The following CEP83 variants were observed in gnomAD, a reference collection of about 807,000 sequenced individuals.
The protein encoded by CEP83 is centrosomal protein of 83 kDa.
CEP83 carries 70 observed loss-of-function variants against 101.9 expected under a neutral mutation model. The observed-to-expected ratio is 0.69, with a 90% CI of 0.57 to 0.84. The LOEUF (loss-of-function observed/expected upper bound fraction) is 0.84. CEP83 is among the 40% of genes least tolerant of loss of function. The pLI is 0.00. For synonymous variants in CEP83, 264 were observed against 267.9 expected (o/e 0.99, Z 0.14); for missense variants, 715 against 787.2 (o/e 0.91, Z 1.10).
At chr12:94,393,579 C>T (rs1026567646) in intron 6 of CEP83, among the ~76,000 whole-genome samples, 4 of 152,186 alleles carry the variant, frequency 2.6e-5, no homozygotes, top group Non-Finnish European at 5.9e-5. Flanking sequence ...ACAAGGATGC[C>T]CTTTCTCACC....
the CEP83 span, among the ~76,000 whole-genome samples, chr12:94,275,443 A>G: frequency 5.3e-5 from 8 of 152,310 alleles, no homozygotes; most frequent in Admixed American, 1.3e-4. Flanking sequence ...GCTGTCTGAC[A>G]TGGCACAGGC....
intron 6 of CEP83, among the ~76,000 whole-genome samples, chr12:94,382,794 A>T (rs959120379): frequency 1.3e-5 from 2 of 151,958 alleles, no homozygotes; most frequent in Admixed American, 6.6e-5. Context: ...ATGTTCAGTG[A>T]GCATTTATAT....
intron 9 of CEP83, 157 bp downstream of exon 9, chr12:94,369,765 A>T (rs2061207726): frequency 2.0e-6 from 1 of 501,332 alleles, no homozygotes; most frequent in Non-Finnish European, 3.5e-6. Flanking sequence ...TGAACAAAAC[A>T]CTCAACATAT....
chr12:94,396,672 C>T (rs2062920788), intron 6 of CEP83, among the ~76,000 whole-genome samples: 1 of 152,108 alleles, frequency 6.6e-6, no homozygotes, highest in Admixed American at 6.6e-5. Flanking sequence ...TCATCAGGGA[C>T]ATGTGTATTC....
At chr12:94,266,244 C>T in the CEP83 span, among the ~76,000 whole-genome samples, 2 of 152,128 alleles carry the variant, frequency 1.3e-5, no homozygotes, top group African/African-American at 4.8e-5. Context: ...GAGAATAGTC[C>T]GTAGGTCAGC....
the CEP83 span, chr12:94,282,430 C>T: frequency 7.2e-7 from 1 of 1,385,232 alleles, no homozygotes; most frequent in South Asian, 1.2e-5. Flanking sequence ...CCCGTGTCTC[C>T]TTCCTCATCC....
chr12:94,319,090 A>G (rs766506172), intron 14 of CEP83, among the ~76,000 whole-genome samples: 6 of 152,078 alleles, frequency 3.9e-5, no homozygotes, highest in Non-Finnish European at 8.8e-5. Context: ...TTCAGAACTC[A>G]TTATTGGTCT....
Position 94,456,353 on chromosome 12 carries a change from C to T in CEP83, c.-155+3204G>A, listed in dbSNP as rs2067678719. On this transcript the variant is annotated intron_variant, in intron 1 of 16. Coordinates refer to ENST00000397809, the MANE Select transcript of CEP83 (RefSeq NM_016122.3). ...TTATAGTTTACTGTTGCCATTTCCCCTTCACTTACTCTCTTCTCTCAACAA... is the reference window on the plus strand; with the variant it reads ...TTATAGTTTACTGTTGCCATTTCCCTTTCACTTACTCTCTTCTCTCAACAA... 2.0e-5 allele frequency among the ~76,000 whole-genome samples: 3 copies of T among 152,210 alleles called. No individual in the cohort carries two copies. The South Asian group carries it at 6.2e-4, about 32-fold the overall frequency.
rs755244508 is a variant in CEP83, at chr12:94,312,982, T to C, written c.1743A>G (p.Leu581=). Reference sequence around the variant, plus strand: ...CCTCCAAGACTTCTACTTTCTCTTGTAGTCTTTTCAATTTGTTTTCATGAA... The same window carrying C: ...CCTCCAAGACTTCTACTTTCTCTTGCAGTCTTTTCAATTTGTTTTCATGAA... ...KSLHENKLKR[L]QEKVEVLEAK... is the part of the protein sequence containing the mutation. Residue 581 remains leucine, a synonymous_variant, in exon 15 of 17, where the codon CTA becomes CTG. Coordinates refer to ENST00000397809, the MANE Select transcript of CEP83 (RefSeq NM_016122.3). The C allele has an allele frequency of 3.2e-6, 5 of 1,579,352 alleles. No homozygotes were observed. The highest frequency in any genetic ancestry group is 2.3e-5 in the South Asian group (2 of 87,470).
At chr12:94,393,344 C>T (rs980489162) in intron 6 of CEP83, among the ~76,000 whole-genome samples, 3 of 152,148 alleles carry the variant, frequency 2.0e-5, no homozygotes, top group Non-Finnish European at 4.4e-5. Context: ...TAAACATAAT[C>T]CAGCATATAA....
chr12:94,424,995 G>C, intron 2 of CEP83: 1 of 797,100 alleles, frequency 1.3e-6, no homozygotes, highest in Non-Finnish European at 1.7e-6. Context: ...GGGAACGAGT[G>C]AGAGAGAGAG....
At chr12:94,321,149 T>C (rs1449732961) in intron 14 of CEP83, among the ~76,000 whole-genome samples, 1 of 152,222 alleles carries the variant, frequency 6.6e-6, no homozygotes, top group Non-Finnish European at 1.5e-5. Flanking sequence ...TTATTCAGCT[T>C]GGTCTCTCTC....
chr12:94,376,017 C>T lies in CEP83; in HGVS notation c.802G>A (p.Ala268Thr). The T allele has an allele frequency of 6.5e-7, 1 of 1,541,562 alleles. No individual in the cohort carries two copies. The highest frequency in any genetic ancestry group is 8.8e-7 in the Non-Finnish European group (1 of 1,142,014). Residue 268 changes from alanine to threonine, a missense_variant and splice_region_variant, in exon 8 of 17, where the codon GCT becomes ACT. Ala to Thr is a moderately conservative substitution (Grantham distance 58). Transcript: ENST00000397809. ...EMQATVRSLE[A>T]EKQSANLRAE... ...CGTAAATTAGCTGATTGTTTTTCAG[C>T]CTTTCATACAAACAAAATAGTTTAA...
At chr12:94,288,400 C>CAT in the CEP83 span, among the ~76,000 whole-genome samples, 1 of 152,206 alleles carries the variant, frequency 6.6e-6, no homozygotes, top group African/African-American at 2.4e-5. Context: ...GTTTCCCACA[C>CAT]ATTCTTGGTG....
chr12:94,387,585 G>C (rs945631817), intron 6 of CEP83, among the ~76,000 whole-genome samples: 1 of 152,112 alleles, frequency 6.6e-6, no homozygotes, highest in Admixed American at 6.6e-5. Flanking sequence ...TGATAACTGG[G>C]ACCTAATTAA....
At chr12:94,431,216 G>A (rs948650024) in intron 2 of CEP83, among the ~76,000 whole-genome samples, 2 of 152,088 alleles carry the variant, frequency 1.3e-5, no homozygotes, top group African/African-American at 4.8e-5. Context: ...TTCAATAAAT[G>A]GTGCTGGGAA....
At chr12:94,283,902 G>C in the CEP83 span, among the ~76,000 whole-genome samples, 1 of 152,046 alleles carries the variant, frequency 6.6e-6, no homozygotes, top group East Asian at 1.9e-4. Flanking sequence ...TGGCCAACAC[G>C]GTAAAACGCT....
intron 2 of CEP83, among the ~76,000 whole-genome samples, chr12:94,431,374 T>C (rs1161323563): frequency 6.6e-6 from 1 of 152,102 alleles, no homozygotes; most frequent in African/African-American, 2.4e-5. Context: ...CTTCAGGACA[T>C]TGGTCTCAGC....
At chr12:94,426,741 A>G (rs2065230274) in intron 2 of CEP83, among the ~76,000 whole-genome samples, 2 of 152,224 alleles carry the variant, frequency 1.3e-5, no homozygotes, top group Admixed American at 6.5e-5. Context: ...TTATGTATCC[A>G]AAACAATCAC....
Sources: gnomAD v4.1 joint callset for allele counts (sites outside exome capture counted in the v4.1 genomes callset) on GRCh38, gnomAD v4.1.1 for gene constraint, MANE v1.5 for transcripts, NCBI Gene and HGNC (gene_info 2026-07-23, HGNC 2026-07-21) for gene names.